Variants in DOC2B observed in about 807,000 individuals in gnomAD.
DOC2B encodes the protein double C2 domain beta.
In DOC2B, 21 loss-of-function variants were observed where a neutral mutation model predicts 28.9. The ratio of observed to expected loss-of-function variants is 0.73; its 90% confidence interval spans 0.52 to 1.05. The LOEUF is 1.05. Among genes scored for constraint, DOC2B ranks in the 50% least tolerant of loss-of-function variants. DOC2B has a pLI of 0.00. For missense variants in DOC2B, 384 were observed against 421.1 expected (o/e 0.91, Z 0.77); for synonymous variants, 194 against 178.1 (o/e 1.09, Z -0.71).
intron 2 of DOC2B, 99 bp downstream of exon 2, chr17:172,438 G>T: frequency 2.0e-6 from 2 of 982,336 alleles, no homozygotes; most frequent in Non-Finnish European, 3.0e-6. Flanking sequence ...CCAAAAGCCT[G>T]GACAGGAACC....
At chr17:164,726 C>T (rs2040242890) in intron 2 of DOC2B, among the ~76,000 whole-genome samples, 1 of 152,180 alleles carries the variant, frequency 6.6e-6, no homozygotes, top group Non-Finnish European at 1.5e-5. Context: ...CACAAGATGG[C>T]ACCCCTCTCT....
intron 3 of DOC2B, chr17:163,807 C>T: frequency 3.1e-6 from 1 of 323,166 alleles, no homozygotes. Flanking sequence ...TTGTTTGCAC[C>T]TAATAGTAAC....
chr17:150,375 G>A (rs529798787), intron 6 of DOC2B, among the ~76,000 whole-genome samples: 11 of 152,054 alleles, frequency 7.2e-5, no homozygotes, highest in Admixed American at 2.0e-4. Flanking sequence ...TAGAAGTGAA[G>A]CCACCGCCCA....
rs529269511 is a variant in DOC2B, at chr17:175,337, C to T, written c.374-2721G>A. ...ATAGCTGTAGCTGGCCTTCAGCTGC[C>T]TGCATGCTAGCTGCCATCTCCACAC... On this transcript the variant is annotated intron_variant, in intron 1 of 8. Transcript: ENST00000613549. 1.1e-3 allele frequency among the ~76,000 whole-genome samples: 174 copies of T among 152,382 alleles called. 1 individual carries two copies. Among genetic ancestry groups the T allele is most frequent in the African/African-American group, 4.0e-3 (168 of 41,582 alleles).
intron 1 of DOC2B, among the ~76,000 whole-genome samples, chr17:179,994 A>G (rs375316141): frequency 8.6e-5 from 13 of 150,812 alleles, no homozygotes; most frequent in East Asian, 5.9e-4. Flanking sequence ...TGCTTGGGAA[A>G]CTCCAGGCCC....
In DOC2B at chr17:152,074, C is replaced by T. The variant is rs144071449; in HGVS notation, c.924-2882G>A. ...CTTGCTGTCAGGACAGTGGTCCTGG[C>T]CACCGGGGCTCACGGAGCCGCCCTG... On this transcript the variant is annotated intron_variant, in intron 6 of 8. Coordinates refer to ENST00000613549, the MANE Select transcript of DOC2B (RefSeq NM_003585.5). 1.7e-3 allele frequency among the ~76,000 whole-genome samples: 253 copies of T among 152,266 alleles called. 3 individuals carry two copies. The East Asian group carries it at 0.038, about 23-fold the overall frequency.
At chr17:155,609 G>A (rs1470085610) in intron 6 of DOC2B, among the ~76,000 whole-genome samples, 2 of 152,158 alleles carry the variant, frequency 1.3e-5, no homozygotes, top group East Asian at 1.9e-4. Context: ...GGCACCTGTA[G>A]CACCCTCTCC....
At chr17:162,312 G>C (rs909027590) in intron 3 of DOC2B, 122 bp from the exon 4 acceptor site, 5 of 722,088 alleles carry the variant, frequency 6.9e-6, no homozygotes, top group East Asian at 5.4e-5. Context: ...TGGCCAAGTG[G>C]ACTGAGGCTG....
At chr17:155,958 G>A in intron 6 of DOC2B, 1 of 494,166 alleles carries the variant, frequency 2.0e-6, no homozygotes, top group South Asian at 3.1e-5. Context: ...AGAGAGGCCT[G>A]GACATAGCAT....
chr17:175,599 C>G (rs1486709092), intron 1 of DOC2B, among the ~76,000 whole-genome samples: 2 of 152,290 alleles, frequency 1.3e-5, no homozygotes. Context: ...GTGAGACCAA[C>G]AAACAGCAGA....
intron 1 of DOC2B, among the ~76,000 whole-genome samples, chr17:175,861 C>T (rs1339843194): frequency 6.6e-6 from 1 of 152,226 alleles, no homozygotes; most frequent in African/African-American, 2.4e-5. Flanking sequence ...TCTTCTCCAA[C>T]TGCCTGGGGG....
intron 6 of DOC2B, among the ~76,000 whole-genome samples, chr17:150,959 T>G (rs1275194197): frequency 6.6e-6 from 1 of 152,110 alleles, no homozygotes; most frequent in Non-Finnish European, 1.5e-5. Context: ...CATGGGAAAG[T>G]CTGGAAACGG....
Position 145,260 on chromosome 17 carries a change from T to A in DOC2B, c.*2181A>T, listed in dbSNP as rs1259855094. On this transcript the variant is annotated 3_prime_UTR_variant, in exon 9 of 9. Coordinates refer to ENST00000613549, the MANE Select transcript of DOC2B (RefSeq NM_003585.5). ...GCTTACTGAGCCTTCACCTGGTGTC[T>A]CTGCTGAGTCTCCGACAGACCAAGA... 2 of 152,108 alleles carry A rather than the reference T, an allele frequency of 1.3e-5. No homozygotes were observed. Among genetic ancestry groups the A allele is most frequent in the African/African-American group, 4.8e-5 (2 of 41,398 alleles). 9.4% of individuals were successfully genotyped at this position (152,108 alleles called of 1,614,324 possible).
chr17:148,924 C>T (rs1429153148), intron 7 of DOC2B, among the ~76,000 whole-genome samples, 187 bp downstream of exon 7: 2 of 151,704 alleles, frequency 1.3e-5, no homozygotes, highest in African/African-American at 4.8e-5. Context: ...GCCCTACATC[C>T]GACAAGTCCT....
At chr17:175,766 C>T (rs1219258059) in intron 1 of DOC2B, among the ~76,000 whole-genome samples, 1 of 152,238 alleles carries the variant, frequency 6.6e-6, no homozygotes, top group African/African-American at 2.4e-5. Context: ...GAGCGGCTGC[C>T]TGCTCCCCCT....
intron 2 of DOC2B, among the ~76,000 whole-genome samples, chr17:168,971 C>T (rs535487813): frequency 2.6e-5 from 4 of 152,226 alleles, no homozygotes; most frequent in East Asian, 3.9e-4. Flanking sequence ...TGGGTGGAAG[C>T]GGCCCCGGGG....
At chr17:164,274 C>T (rs2040237595) in intron 2 of DOC2B, 70 bp from the exon 3 acceptor site, 3 of 1,243,030 alleles carry the variant, frequency 2.4e-6, no homozygotes, top group South Asian at 1.3e-5. Flanking sequence ...CTGCAGATGC[C>T]CTTGTCCCCT....
intron 1 of DOC2B, 50 bp from the exon 2 acceptor site, chr17:172,666 G>A (rs2040326104): frequency 2.7e-6 from 4 of 1,465,180 alleles, no homozygotes; most frequent in East Asian, 2.5e-5. Flanking sequence ...TCTTGGAGAG[G>A]CTTCGCCTGC....
chr17:150,312 G>A (rs1419482515), intron 6 of DOC2B, among the ~76,000 whole-genome samples: 1 of 152,092 alleles, frequency 6.6e-6, no homozygotes, highest in Non-Finnish European at 1.5e-5. Context: ...CAACTCCCTG[G>A]GCCTGGCACC....
Sources: allele counts gnomAD v4.1 joint callset (sites outside exome capture counted in the v4.1 genomes callset), GRCh38; gene constraint gnomAD v4.1.1; transcripts MANE v1.5; gene names NCBI Gene and HGNC (gene_info 2026-07-23, HGNC 2026-07-21).